CTPS2: variants seen among roughly 807,000 people sequenced by gnomAD.
CTPS2 encodes the protein CTP synthase II.
CTPS2 carries 19 observed loss-of-function variants against 46.8 expected under a neutral mutation model. The ratio of observed to expected loss-of-function variants is 0.41; its 90% CI spans 0.28 to 0.60. The LOEUF (loss-of-function observed/expected upper bound fraction) is 0.60. Among genes scored for constraint, CTPS2 ranks in the 20% least tolerant of loss-of-function variants. The probability of loss-of-function intolerance (pLI) is 0.35; values close to 1 mark genes in which losing one functional copy is unlikely to be tolerated. For missense variants in CTPS2, 286 were observed against 447.6 expected (o/e 0.64, Z 3.26); for synonymous variants, 151 against 165.2 (o/e 0.91, Z 0.66).
chrX:16,702,968 G>A, intron 1 of CTPS2, 27 bp from the exon 2 acceptor site: 5 of 956,505 alleles, frequency 5.2e-6, no homozygotes, highest in South Asian at 4.9e-5. Flanking sequence ...TTATGGATAA[G>A]GAAAGAGAAA....
chrX:16,604,002 G>A (rs1929830368), intron 17 of CTPS2, among the ~76,000 whole-genome samples: 1 of 111,397 alleles, frequency 9.0e-6, no homozygotes, highest in Admixed American at 9.6e-5. Flanking sequence ...GAAGGAACTG[G>A]CTTCAGGTGT....
intron 9 of CTPS2, among the ~76,000 whole-genome samples, chrX:16,680,973 G>A (rs1424669292): frequency 8.9e-6 from 1 of 111,878 alleles, no homozygotes; most frequent in African/African-American, 3.2e-5. Flanking sequence ...ATCACCTGAG[G>A]TCAGGAGTTC....
chrX:16,701,143 T>TTC (rs1924517414), intron 2 of CTPS2, among the ~76,000 whole-genome samples: 1 of 112,174 alleles, frequency 8.9e-6, no homozygotes, highest in African/African-American at 3.2e-5. Flanking sequence ...CAGACTTGAA[T>TTC]AAGTCATTCA....
Position 16,665,083 on chromosome X carries a change from G to A in CTPS2, c.1296+2431C>T, listed in dbSNP as rs184332422. ...TCAGGCAACTGCAAATCAAAGCCAC[G>A]ATGAGACACCACTTCACATCCACTA... On this transcript the variant is annotated intron_variant, in intron 13 of 18. Coordinates refer to ENST00000359276, the MANE Select transcript of CTPS2 (RefSeq NM_175859.3). Among the ~76,000 whole-genome samples the A allele has an allele frequency of 8.9e-5, 10 of 112,268 alleles. No homozygotes were observed. In the East Asian group the frequency reaches 2.0e-3, roughly 22 times the overall value.
intron 15 of CTPS2, 30 bp downstream of exon 15, chrX:16,620,247 T>C (rs1260927643): frequency 2.6e-6 from 3 of 1,138,836 alleles, no homozygotes; most frequent in South Asian, 3.7e-5. Context: ...AGCATCCATA[T>C]TCCCCAGTAA....
chrX:16,627,708 A>T (rs758035085), intron 14 of CTPS2, among the ~76,000 whole-genome samples: 1 of 111,842 alleles, frequency 8.9e-6, no homozygotes. Flanking sequence ...AAACTGACTC[A>T]GTGCTTGTGT....
chrX:16,612,257 C>A (rs1357923975), intron 16 of CTPS2, among the ~76,000 whole-genome samples: 1 of 112,322 alleles, frequency 8.9e-6, no homozygotes, highest in African/African-American at 3.2e-5. Context: ...TTGTTCCTCT[C>A]AGAACCCTTC....
chrX:16,673,291 G>T (rs1302497157), intron 10 of CTPS2, among the ~76,000 whole-genome samples: 2 of 111,462 alleles, frequency 1.8e-5, no homozygotes, highest in South Asian at 7.4e-4. Flanking sequence ...TAGGACCCCT[G>T]TAAGCCTGCT....
rs184828933 is a variant in CTPS2, at chrX:16,608,220, A to G, written c.1691+1321T>C. Among the ~76,000 whole-genome samples, 441 of 111,070 alleles carry G rather than the reference A, an allele frequency of 4.0e-3. 3 individuals are homozygous for G. Among genetic ancestry groups the G allele is most frequent in the African/African-American group, 0.014 (418 of 30,557 alleles). On this transcript the variant is annotated intron_variant, in intron 17 of 18. Transcript: ENST00000359276. ...AGAGCAAGACCCTGTCCCTAAATAA[A>G]TAAATAAATTAATTTAATTTAATTT...
chrX:16,602,664 T>C (rs911492566), intron 17 of CTPS2, among the ~76,000 whole-genome samples: 6 of 112,127 alleles, frequency 5.4e-5, no homozygotes. Flanking sequence ...CAAACTTCTG[T>C]AATTAATAAA....
At chrX:16,660,647 G>T (rs941011286) in intron 13 of CTPS2, among the ~76,000 whole-genome samples, 5 of 110,763 alleles carry the variant, frequency 4.5e-5, no homozygotes, top group African/African-American at 1.6e-4. Context: ...TGATCCACCT[G>T]CCTCAGCCTC....
At chrX:16,609,790 T>C in intron 16 of CTPS2, 105 bp from the exon 17 acceptor site, 1 of 820,425 alleles carries the variant, frequency 1.2e-6, no homozygotes, top group Non-Finnish European at 1.7e-6. Context: ...GGTAAGATGA[T>C]TCTTTAACCT....
At chrX:16,599,775 A>ACCC (rs10716191) in intron 17 of CTPS2, among the ~76,000 whole-genome samples, 1 of 91,405 alleles carries the variant, frequency 1.1e-5, no homozygotes, top group African/African-American at 4.0e-5. Context: ...CGCACCCGGC[A>ACCC]CCCCCCCCCT....
At chrX:16,611,636 GC>G (rs1930267395) in intron 16 of CTPS2, among the ~76,000 whole-genome samples, 1 of 111,159 alleles carries the variant, frequency 9.0e-6, no homozygotes, top group South Asian at 3.8e-4. Context: ...GTTACATGTG[GC>G]TAGTGGCTAC....
At chrX:16,677,195 C>T (rs371318243) in intron 10 of CTPS2, among the ~76,000 whole-genome samples, 22 of 111,402 alleles carry the variant, frequency 2.0e-4, no homozygotes, top group African/African-American at 6.8e-4. Flanking sequence ...TCATGGAAAG[C>T]CTTCTAATTT....
intron 14 of CTPS2, among the ~76,000 whole-genome samples, chrX:16,630,720 T>C (rs374841985): frequency 8.9e-6 from 1 of 112,025 alleles, no homozygotes; most frequent in Admixed American, 9.5e-5. Context: ...TAAGGGTAAG[T>C]GCTCCCTAAC....
At chrX:16,593,150 C>T (rs1569185279) in intron 17 of CTPS2, among the ~76,000 whole-genome samples, 1 of 111,781 alleles carries the variant, frequency 8.9e-6, no homozygotes, top group Non-Finnish European at 1.9e-5. Context: ...GAATTCCCAG[C>T]CAGGTGCGGT....
intron 1 of CTPS2, chrX:16,711,996 G>C (rs981761273): frequency 1.8e-5 from 2 of 110,898 alleles, no homozygotes; most frequent in Non-Finnish European, 3.8e-5. Flanking sequence ...CCCGAGGGCC[G>C]GGAGAAGTGG....
intron 3 of CTPS2, 26 bp downstream of exon 3, chrX:16,698,896 CT>C: frequency 1.7e-6 from 2 of 1,167,765 alleles, no homozygotes; most frequent in Non-Finnish European, 2.3e-6. Flanking sequence ...GCACACAGGG[CT>C]CCATAATGTC....
Sources: gnomAD v4.1 joint callset for allele counts (sites outside exome capture counted in the v4.1 genomes callset) on GRCh38, gnomAD v4.1.1 for gene constraint, MANE v1.5 for transcripts, NCBI Gene and HGNC (gene_info 2026-07-23, HGNC 2026-07-21) for gene names.